NIPAL2: variants seen among roughly 807,000 people sequenced by gnomAD.
The protein encoded by NIPAL2 is NIPA-like protein 2.
In NIPAL2, 43 loss-of-function variants were observed where a neutral mutation model predicts 48.9. The ratio of observed to expected loss-of-function variants is 0.88; its 90% CI spans 0.69 to 1.13. NIPAL2 has a LOEUF of 1.13. Ranked by LOEUF, NIPAL2 falls within the 50% of genes most tolerant of loss-of-function variation. The pLI is 0.00. For missense variants in NIPAL2, 446 were observed against 461.4 expected (o/e 0.97, Z 0.31); for synonymous variants, 167 against 174.6 (o/e 0.96, Z 0.34).
chr8:98,199,588 G>A (rs979276988), intron 8 of NIPAL2, among the ~76,000 whole-genome samples: 2 of 152,064 alleles, frequency 1.3e-5, no homozygotes, highest in South Asian at 4.2e-4. Context: ...TCTTACACAG[G>A]TGCAGTTTGT....
intron 1 of NIPAL2, among the ~76,000 whole-genome samples, chr8:98,274,958 A>G (rs1267903294): frequency 1.3e-5 from 2 of 152,086 alleles, no homozygotes; most frequent in African/African-American, 4.8e-5. Flanking sequence ...TTATTTTAGT[A>G]AGTACTGCTA....
At chr8:98,220,964 CTTTTTTTTTTTT>C (rs557824737) in intron 5 of NIPAL2, among the ~76,000 whole-genome samples, 60 of 68,666 alleles carry the variant, frequency 8.7e-4, no homozygotes, top group Admixed American at 3.0e-3. Context: ...TCATTTCATT[CTTTTTTTTTTTT>C]TTTTTTTTTT....
At chr8:98,273,148 G>A (rs1815240196) in intron 1 of NIPAL2, among the ~76,000 whole-genome samples, 1 of 152,108 alleles carries the variant, frequency 6.6e-6, no homozygotes, top group African/African-American at 2.4e-5. Context: ...AAACAAATGT[G>A]ATACATTTTA....
intron 9 of NIPAL2, chr8:98,195,581 C>G (rs1810502627): frequency 5.7e-6 from 1 of 175,718 alleles, no homozygotes; most frequent in South Asian, 1.4e-4. Flanking sequence ...TTTGGGCGAC[C>G]CTAGAGGATC....
At chr8:98,270,080 T>G (rs974961216) in intron 1 of NIPAL2, among the ~76,000 whole-genome samples, 1 of 152,226 alleles carries the variant, frequency 6.6e-6, no homozygotes, top group African/African-American at 2.4e-5. Context: ...TTATCCAGTC[T>G]ACTGTTGATG....
chr8:98,238,062 A>G (rs1812804016), intron 3 of NIPAL2, among the ~76,000 whole-genome samples: 1 of 152,182 alleles, frequency 6.6e-6, no homozygotes, highest in African/African-American at 2.4e-5. Context: ...TAGTGACACT[A>G]CTGGACTCTC....
chr8:98,224,957 A>G (rs964852047), intron 4 of NIPAL2, among the ~76,000 whole-genome samples: 1 of 151,992 alleles, frequency 6.6e-6, no homozygotes, highest in Non-Finnish European at 1.5e-5. Flanking sequence ...GGGTTTCACC[A>G]TGGTGGCCAG....
intron 4 of NIPAL2, among the ~76,000 whole-genome samples, chr8:98,233,366 G>GTGTGTT (rs1554569334): frequency 6.8e-6 from 1 of 147,088 alleles, no homozygotes; most frequent in Non-Finnish European, 1.5e-5. Context: ...GTGTGTGTGT[G>GTGTGTT]TTTTCCCCTT....
rs557995658 is a variant in NIPAL2, at chr8:98,196,988, T to A, written c.881-983A>T. The stretch of plus-strand genomic sequence containing the variant: ...CTCCAGGTTATTACATACTTCCTTA[T>A]AATCATTTTAATGTTTTCATGTTAT... On this transcript the variant is annotated intron_variant, in intron 8 of 10. Coordinates refer to ENST00000430223, the MANE Select transcript of NIPAL2 (RefSeq NM_001321635.2). Among the ~76,000 whole-genome samples the A allele has an allele frequency of 5.9e-5, 9 of 152,352 alleles. No homozygotes were observed. In the South Asian group the frequency reaches 1.4e-3, roughly 25 times the overall value.
intron 3 of NIPAL2, among the ~76,000 whole-genome samples, chr8:98,245,540 G>A (rs570538187): frequency 2.6e-5 from 4 of 152,164 alleles, no homozygotes; most frequent in South Asian, 4.1e-4. Flanking sequence ...AATTTCAAAC[G>A]AGGGAACTTA....
At position 98,250,535 on chromosome 8, in the gene NIPAL2, CA is replaced by C. The variant is rs1322880923; in HGVS notation, c.376+1927del. 2.6e-5 allele frequency among the ~76,000 whole-genome samples: 4 copies of C among 152,194 alleles called. No individual in the cohort carries two copies. The East Asian group carries it at 7.7e-4, about 29-fold the overall frequency. On this transcript the variant is annotated intron_variant, in intron 3 of 10. Coordinates refer to ENST00000430223, the MANE Select transcript of NIPAL2 (RefSeq NM_001321635.2). The stretch of plus-strand genomic sequence containing the variant: ...ATTTATGAACATACATTACTGTGTG[CA>C]AAGATTGTAAAGTAGGAAATGAGTT...
chr8:98,207,417 G>A (rs960258190), intron 6 of NIPAL2, among the ~76,000 whole-genome samples: 1 of 152,016 alleles, frequency 6.6e-6, no homozygotes, highest in African/African-American at 2.4e-5. Flanking sequence ...TATTTTTGGG[G>A]GGTGGTTGAT....
chr8:98,229,045 A>G (rs975295903), intron 4 of NIPAL2, among the ~76,000 whole-genome samples: 6 of 152,226 alleles, frequency 3.9e-5, no homozygotes, highest in Admixed American at 3.3e-4. Flanking sequence ...ATAAAACAGC[A>G]GCCAGACAGC....
chr8:98,206,601 G>A (rs926255109), intron 6 of NIPAL2, among the ~76,000 whole-genome samples: 92 of 151,824 alleles, frequency 6.1e-4, no homozygotes, highest in South Asian at 2.1e-4. Flanking sequence ...CCCCTGGCTA[G>A]CACAGTGAAA....
chr8:98,252,379 G>C (rs1813635059), intron 3 of NIPAL2, 84 bp downstream of exon 3: 1 of 1,299,380 alleles, frequency 7.7e-7, no homozygotes, highest in Non-Finnish European at 1.0e-6. Context: ...TTCTTCTTTG[G>C]TGCATTTGTT....
chr8:98,199,883 T>G (rs2130693986), intron 8 of NIPAL2, among the ~76,000 whole-genome samples: 1 of 152,028 alleles, frequency 6.6e-6, no homozygotes, highest in African/African-American at 2.4e-5. Flanking sequence ...TTTTGTGGGG[T>G]TTTTTAGAAG....
At chr8:98,198,206 C>A (rs774664692) in intron 8 of NIPAL2, among the ~76,000 whole-genome samples, 1 of 152,152 alleles carries the variant, frequency 6.6e-6, no homozygotes, top group Non-Finnish European at 1.5e-5. Context: ...GGTTCATTGA[C>A]AATAAGCAGT....
intron 1 of NIPAL2, among the ~76,000 whole-genome samples, chr8:98,291,539 A>G (rs1044974175): frequency 1.3e-5 from 2 of 152,188 alleles, no homozygotes; most frequent in Non-Finnish European, 2.9e-5. Flanking sequence ...CATTACCTAC[A>G]TAGCTCATTT....
intron 1 of NIPAL2, among the ~76,000 whole-genome samples, chr8:98,290,737 T>A (rs898992034): frequency 3.3e-5 from 5 of 152,108 alleles, no homozygotes; most frequent in Non-Finnish European, 5.9e-5. Context: ...TCCATAAAAA[T>A]TAAAAAATCT....
Sources: allele counts gnomAD v4.1 joint callset (sites outside exome capture counted in the v4.1 genomes callset), GRCh38; gene constraint gnomAD v4.1.1; transcripts MANE v1.5; gene names NCBI Gene and HGNC (gene_info 2026-07-23, HGNC 2026-07-21).